Variants in CDH18 observed in about 807,000 individuals in gnomAD.
CDH18 encodes the protein cadherin 18, also known as cadherin-18.
A neutral mutation model predicts 67.9 loss-of-function variants in CDH18; 31 were observed. The ratio of observed to expected loss-of-function variants is 0.46; its 90% CI spans 0.34 to 0.62. The LOEUF (loss-of-function observed/expected upper bound fraction) is 0.62, where lower values mean the gene tolerates loss of function less well. Among genes scored for constraint, CDH18 ranks in the 20% least tolerant of loss-of-function variants. CDH18 has a pLI of 0.01. For synonymous variants in CDH18, 362 were observed against 347.2 expected (o/e 1.04, Z -0.48); for missense variants, 890 against 975.5 (o/e 0.91, Z 1.17).
At chr5:20,493,392 A>AT in intron 1 of CDH18, among the ~76,000 whole-genome samples, 1 of 19,860 alleles carries the variant, frequency 5.0e-5, no homozygotes, top group African/African-American at 7.6e-5. Context: ...AAAAGCAAAG[A>AT]ATTTTTTGTT....
chr5:19,917,092 A>C (rs1483582939), intron 2 of CDH18, among the ~76,000 whole-genome samples: 1 of 152,156 alleles, frequency 6.6e-6, no homozygotes, highest in African/African-American at 2.4e-5. Context: ...TATTAACTTC[A>C]TTTTACTAGT....
chr5:19,724,000 G>A (rs548505467), intron 4 of CDH18, among the ~76,000 whole-genome samples: 39 of 152,044 alleles, frequency 2.6e-4, no homozygotes, highest in Non-Finnish European at 4.0e-4. Context: ...GTGAGCCACC[G>A]CGCCCAGCCA....
At chr5:20,228,310 G>C (rs542902136) in intron 2 of CDH18, among the ~76,000 whole-genome samples, 1 of 151,948 alleles carries the variant, frequency 6.6e-6, no homozygotes, top group Non-Finnish European at 1.5e-5. Context: ...GGGTTTAATA[G>C]TTTCATTTGC....
intron 11 of CDH18, 163 bp downstream of exon 11, chr5:19,502,829 C>T: frequency 1.5e-6 from 1 of 647,274 alleles, no homozygotes; most frequent in Middle Eastern, 2.5e-4. Flanking sequence ...ACATATGGCT[C>T]AATTTTAAAC....
intron 1 of CDH18, among the ~76,000 whole-genome samples, chr5:20,334,128 A>ATTTTTTTTTTT (rs1390783093): frequency 8.4e-6 from 1 of 118,394 alleles, no homozygotes; most frequent in East Asian, 3.4e-4. Context: ...TCTGACTTGA[A>ATTTTTTTTTTT]TTCTTTTTTT....
At chr5:19,665,052 G>T (rs1270258159) in intron 5 of CDH18, among the ~76,000 whole-genome samples, 1 of 151,826 alleles carries the variant, frequency 6.6e-6, no homozygotes, top group African/African-American at 2.4e-5. Flanking sequence ...CAGTACAATT[G>T]TCAACATAAT....
chr5:19,690,890 T>C (rs989605607), intron 5 of CDH18, among the ~76,000 whole-genome samples: 8 of 151,822 alleles, frequency 5.3e-5, no homozygotes, highest in African/African-American at 1.9e-4. Context: ...TTCTCAAAAA[T>C]TGAAGAGTAG....
chr5:20,095,511 AT>A (rs1745899622), intron 2 of CDH18, among the ~76,000 whole-genome samples: 2 of 132,186 alleles, frequency 1.5e-5, no homozygotes, highest in African/African-American at 6.4e-5. Flanking sequence ...GGGAGGGAGG[AT>A]GGAAGGAAGG....
intron 1 of CDH18, among the ~76,000 whole-genome samples, chr5:20,431,462 C>A (rs916559554): frequency 3.1e-4 from 46 of 146,912 alleles, no homozygotes; most frequent in African/African-American, 1.2e-3. Context: ...CCACTGCACT[C>A]CAGCCTGGGT....
In CDH18 at chr5:19,749,691, T is replaced by C. The variant is rs573834556; in HGVS notation, c.229-2455A>G. 6.6e-5 allele frequency among the ~76,000 whole-genome samples: 10 copies of C among 151,134 alleles called. No individual in the cohort carries two copies. The South Asian group carries it at 1.0e-3, about 16-fold the overall frequency. On this transcript the variant is annotated intron_variant, in intron 3 of 12. Coordinates refer to ENST00000382275, the MANE Select transcript of CDH18 (RefSeq NM_004934.5). ...CTATTAAGCATCTATTAAATATATA[T>C]ACTATACACTATATAGATTCTAGTA... is the stretch of plus-strand genomic sequence containing the variant.
intron 2 of CDH18, among the ~76,000 whole-genome samples, chr5:20,151,815 T>C (rs1219920562): frequency 6.6e-6 from 1 of 151,984 alleles, no homozygotes; most frequent in African/African-American, 2.4e-5. Context: ...TATAAGTCAT[T>C]GAAAGAAATG....
chr5:20,281,611 C>A (rs1264201881), intron 1 of CDH18, among the ~76,000 whole-genome samples: 1 of 152,054 alleles, frequency 6.6e-6, no homozygotes, highest in Non-Finnish European at 1.5e-5. Context: ...GTTACTGTAG[C>A]CTTGTAGTAT....
At chr5:19,683,263 T>G (rs1760593447) in intron 5 of CDH18, among the ~76,000 whole-genome samples, 1 of 152,134 alleles carries the variant, frequency 6.6e-6, no homozygotes, top group South Asian at 2.1e-4. Flanking sequence ...TCATATTTTA[T>G]GTAATTAAAA....
At chr5:19,884,519 A>G (rs1787987516) in intron 2 of CDH18, among the ~76,000 whole-genome samples, 1 of 152,006 alleles carries the variant, frequency 6.6e-6, no homozygotes, top group African/African-American at 2.4e-5. Context: ...TATAAAAAAT[A>G]CATAAGTCAT....
At chr5:19,779,751 AGTGT>A (rs1774878240) in intron 3 of CDH18, among the ~76,000 whole-genome samples, 2 of 152,154 alleles carry the variant, frequency 1.3e-5, no homozygotes, top group Non-Finnish European at 2.9e-5. Context: ...TTTACAGACA[AGTGT>A]GTAGAAGATG....
intron 3 of CDH18, among the ~76,000 whole-genome samples, chr5:19,827,556 CA>C (rs1472388549): frequency 1.3e-5 from 2 of 151,818 alleles, no homozygotes; most frequent in African/African-American, 2.4e-5. Context: ...GACCATTGCA[CA>C]ATAAAAATAG....
At chr5:19,779,058 G>A (rs1379936569) in intron 3 of CDH18, among the ~76,000 whole-genome samples, 1 of 152,096 alleles carries the variant, frequency 6.6e-6, no homozygotes, top group Admixed American at 6.6e-5. Context: ...TATAAAATAA[G>A]TTTAATAATA....
At chr5:20,339,062 G>A (rs1448463501) in intron 1 of CDH18, among the ~76,000 whole-genome samples, 1 of 152,064 alleles carries the variant, frequency 6.6e-6, no homozygotes, top group African/African-American at 2.4e-5. Context: ...TCCACCCAAG[G>A]ACACTCTGAA....
chr5:20,418,242 A>ATTTTTTTTTTTTTTT (rs58308147), intron 1 of CDH18, among the ~76,000 whole-genome samples: 1,356 of 56,842 alleles, frequency 0.024, 239 homozygotes, highest in Middle Eastern at 0.042. Flanking sequence ...CTGCTGGCTA[A>ATTTTTTTTTTTTTTT]TTTTTTTTTT....
Sources: allele counts gnomAD v4.1 joint callset (sites outside exome capture counted in the v4.1 genomes callset), GRCh38; gene constraint gnomAD v4.1.1; transcripts MANE v1.5; gene names NCBI Gene and HGNC (gene_info 2026-07-23, HGNC 2026-07-21).